DEF6: variants seen among roughly 807,000 people sequenced by gnomAD.
The protein encoded by DEF6 is DEF6 guanine nucleotide exchange factor.
Under a neutral mutation model 80.5 loss-of-function variants are expected in DEF6, and 32 were observed. That is an observed-to-expected ratio of 0.40 (90% confidence interval 0.30 to 0.53). The LOEUF is 0.53. DEF6 is among the 20% of genes least tolerant of loss of function. The pLI, the probability that DEF6 is intolerant of heterozygous loss-of-function variation, is 0.57. For synonymous variants in DEF6, 300 were observed against 337.9 expected (o/e 0.89, Z 1.23); for missense variants, 575 against 818.7 (o/e 0.70, Z 3.63).
chr6:35,313,081 A>G (rs6939017), intron 5 of DEF6, among the ~76,000 whole-genome samples: 16,149 of 152,172 alleles, frequency 0.11, 1,622 homozygotes, highest in African/African-American at 0.27. Context: ...TCCCTTTTAA[A>G]GGTTTTTCTT....
chr6:35,313,570 T>C (rs75533269), intron 5 of DEF6, among the ~76,000 whole-genome samples: 1,869 of 152,318 alleles, frequency 0.012, 42 homozygotes, highest in African/African-American at 0.042. Flanking sequence ...CCTGTCAAAC[T>C]GTATGTTTAT....
At chr6:35,305,838 G>A (rs1194294999) in intron 1 of DEF6, among the ~76,000 whole-genome samples, 1 of 152,192 alleles carries the variant, frequency 6.6e-6, no homozygotes, top group Non-Finnish European at 1.5e-5. Flanking sequence ...CTCCCAAAGT[G>A]CTGGGATTAC....
intron 5 of DEF6, among the ~76,000 whole-genome samples, chr6:35,315,829 G>T (rs371617764): frequency 5.5e-5 from 8 of 146,706 alleles, no homozygotes; most frequent in Non-Finnish European, 4.5e-5. Flanking sequence ...CAACTCTAAC[G>T]GTTTTTTGTT....
Position 35,312,208 on chromosome 6 carries a change from GC to G in DEF6, c.424-91del. 2.8e-6 allele frequency: 3 copies of G among 1,075,176 alleles called. No individual in the cohort carries two copies. The highest frequency in any genetic ancestry group is 4.1e-6 in the Non-Finnish European group (3 of 728,048). 66.6% of individuals were successfully genotyped at this position (1,075,176 alleles called of 1,614,324 possible). On this transcript the variant is annotated intron_variant, in intron 3 of 10. Coordinates refer to ENST00000316637, the MANE Select transcript of DEF6 (RefSeq NM_022047.4). This position sits in a 1 kb window ranked among gnomAD's most constrained non-coding sequence, Gnocchi z 6.6. ...AACGCTCTGTCCCCTGTTTCCCTCT[GC>G]CCAGGCTCTGGGAGCCAGATAGAGC...
At chr6:35,310,756 A>C in intron 3 of DEF6, 112 bp downstream of exon 3, 2 of 1,114,142 alleles carry the variant, frequency 1.8e-6, no homozygotes, top group African/African-American at 1.5e-5. Flanking sequence ...TTCTTTCTTT[A>C]CCATCTTCCC....
chr6:35,309,029 T>C (rs1387443819), intron 1 of DEF6, among the ~76,000 whole-genome samples: 1 of 152,184 alleles, frequency 6.6e-6, no homozygotes, highest in African/African-American at 2.4e-5. Flanking sequence ...TCATGGACCA[T>C]TTTTCATGAC....
Position 35,317,938 on chromosome 6 carries a change from AGC to A in DEF6, c.856_857del (p.Ala286GlnfsTer5). ...AGCGCTGCATGTTCTGTGTGAAGAC[AGC>A]CAACCGCACGTATGAGATGAGCGCC... The part of the protein sequence containing the change: ...GKRCMFCVKT[A>X]NRTYEMSASD... On this transcript the variant is annotated frameshift_variant, in exon 6 of 11. Transcript: ENST00000316637. LOFTEE classifies it high-confidence loss of function. 1 of 1,614,036 alleles carries A rather than the reference AGC, an allele frequency of 6.2e-7. No individual in the cohort carries two copies. Among genetic ancestry groups the A allele is most frequent in the Non-Finnish European group, 8.5e-7 (1 of 1,179,996 alleles).
chr6:35,305,320 A>G (rs2150385535), intron 1 of DEF6, among the ~76,000 whole-genome samples: 1 of 150,570 alleles, frequency 6.6e-6, no homozygotes, highest in East Asian at 2.0e-4. Context: ...TAATTTTGGT[A>G]TTACAAAAAA....
intron 1 of DEF6, among the ~76,000 whole-genome samples, chr6:35,306,459 C>T (rs941455840): frequency 1.3e-5 from 2 of 151,084 alleles, no homozygotes; most frequent in Non-Finnish European, 2.9e-5. Flanking sequence ...TGCGGTGAGC[C>T]GAGATCACGC....
intron 1 of DEF6, among the ~76,000 whole-genome samples, chr6:35,300,773 CT>C (rs769120028): frequency 9.9e-5 from 15 of 152,142 alleles, no homozygotes; most frequent in Non-Finnish European, 1.6e-4. Flanking sequence ...CTCTAAAAAC[CT>C]TTGGAAGGTA....
rs1295414038 is a variant in DEF6, at chr6:35,312,621, G to C, written c.661-5G>C. 6.2e-7 allele frequency: 1 copy of C among 1,614,102 alleles called. No individual in the cohort carries two copies. The highest frequency in any genetic ancestry group is 1.3e-5 in the African/African-American group (1 of 74,938). ...GGAAGCCTCTGACGTAACTCCGGCTGGCAGGGCTACCTGTGGAAGCGAGGG... is the reference window on the plus strand; with the variant it reads ...GGAAGCCTCTGACGTAACTCCGGCTCGCAGGGCTACCTGTGGAAGCGAGGG... On this transcript the variant is annotated splice_polypyrimidine_tract_variant and splice_region_variant and intron_variant, in intron 4 of 10. Transcript: ENST00000316637. This position sits in a 1 kb window ranked among gnomAD's most constrained non-coding sequence, Gnocchi z 6.6.
intron 5 of DEF6, among the ~76,000 whole-genome samples, chr6:35,315,463 A>AT (rs55852811): frequency 0.84 from 127,095 of 151,998 alleles, 53,405 homozygotes; most frequent in Non-Finnish European, 0.87. Flanking sequence ...AAATTTTAGG[A>AT]TTTTTTTTCT....
In DEF6 at chr6:35,318,378, C is replaced by T; in HGVS notation, c.1122C>T (p.Ala374=). Residue 374 remains alanine (A), a synonymous_variant, in exon 7 of 11, where the codon GCC becomes GCT. Transcript: ENST00000316637. The surrounding 1 kb of genome is among the most constrained non-coding windows in gnomAD (Gnocchi z 5.1). ...LELLQEAQRQ[A]ERLLQEEEER... Reference sequence around the variant, plus strand: ...TGCTGCAGGAGGCGCAGCGGCAGGCCGAGCGGCTGCTGCAGGAGGAGGAGG... The same window carrying T: ...TGCTGCAGGAGGCGCAGCGGCAGGCTGAGCGGCTGCTGCAGGAGGAGGAGG... 6.5e-7 allele frequency: 1 copy of T among 1,536,736 alleles called. No individual in the cohort carries two copies. The highest frequency in any genetic ancestry group is 8.7e-7 in the Non-Finnish European group (1 of 1,145,200).
At chr6:35,298,832 C>G (rs558252006) in intron 1 of DEF6, among the ~76,000 whole-genome samples, 2 of 152,154 alleles carry the variant, frequency 1.3e-5, no homozygotes, top group Non-Finnish European at 2.9e-5. Flanking sequence ...GGGGTGCCTT[C>G]GTTCACTCTG....
intron 2 of DEF6, 120 bp from the exon 3 acceptor site, chr6:35,310,339 G>A (rs1791447056): frequency 6.8e-6 from 7 of 1,023,242 alleles, no homozygotes; most frequent in Middle Eastern, 3.1e-4. Flanking sequence ...CTTGAGTTAG[G>A]GCCCTGGACT....
rs1381669770 is a variant in DEF6, at chr6:35,319,680, G to A, written c.1372G>A (p.Ala458Thr). 6.2e-7 allele frequency: 1 copy of A among 1,611,304 alleles called. No individual in the cohort carries two copies. The highest frequency in any genetic ancestry group is 8.5e-7 in the Non-Finnish European group (1 of 1,178,074). ...ARRDEESVRIAQTRLLEEEEE... is the reference protein window; with the variant it reads ...ARRDEESVRITQTRLLEEEEE... ...GCGAGATGAAGAATCTGTGCGAATCGCTCAGACCAGGTAGGCCTGAGGAAC... is the reference window on the plus strand; with the variant it reads ...GCGAGATGAAGAATCTGTGCGAATCACTCAGACCAGGTAGGCCTGAGGAAC... Residue 458 changes from alanine (A) to threonine (T), a missense_variant, in exon 8 of 11, where the codon GCT (alanine) becomes ACT (threonine). Physicochemically the swap from Ala to Thr is moderately conservative, Grantham distance 58 (BLOSUM62 0). Transcript: ENST00000316637. This position sits in a 1 kb window ranked among gnomAD's most constrained non-coding sequence, Gnocchi z 4.5.
chr6:35,304,213 C>G (rs959290667), intron 1 of DEF6, among the ~76,000 whole-genome samples: 4 of 152,150 alleles, frequency 2.6e-5, no homozygotes, highest in Admixed American at 6.5e-5. Flanking sequence ...TCCAGCTACT[C>G]AGGAGGCTGA....
At chr6:35,303,611 A>G (rs1428017626) in intron 1 of DEF6, among the ~76,000 whole-genome samples, 2 of 152,256 alleles carry the variant, frequency 1.3e-5, no homozygotes, top group Non-Finnish European at 2.9e-5. Context: ...GAAATGTACA[A>G]TATGATGAAA....
chr6:35,320,043 G>C (rs762998293), intron 9 of DEF6, 26 bp downstream of exon 9: 3 of 1,550,358 alleles, frequency 1.9e-6, no homozygotes, highest in South Asian at 1.2e-5. Flanking sequence ...GGATGGGGTG[G>C]AGGCTGGCAG....
Sources: gnomAD v4.1 joint callset for allele counts (sites outside exome capture counted in the v4.1 genomes callset) on GRCh38, gnomAD v4.1.1 for gene constraint, Gnocchi (gnomAD v3.1) non-coding constraint, MANE v1.5 for transcripts, NCBI Gene and HGNC (gene_info 2026-07-23, HGNC 2026-07-21) for gene names.